The following PCDHGA10 variants were observed in gnomAD, a reference collection of about 807,000 sequenced individuals.
PCDHGA10 encodes protocadherin gamma subfamily A, 10, also known as protocadherin gamma-A10.
In PCDHGA10, 42 loss-of-function variants were observed where a neutral mutation model predicts 59.5. The ratio of observed to expected loss-of-function variants is 0.71; its 90% CI spans 0.55 to 0.91. The LOEUF (loss-of-function observed/expected upper bound fraction) is 0.91. Among genes scored for constraint, PCDHGA10 ranks in the 40% least tolerant of loss-of-function variants. PCDHGA10 has a pLI of 0.00. For synonymous variants in PCDHGA10, 511 were observed against 517.2 expected, an observed-to-expected ratio of 0.99 and a Z score of 0.16; for missense variants, 1,111 against 1,198.2, an observed-to-expected ratio of 0.93 and a Z score of 1.07.
At chr5:141,460,983 G>GTGTGTA (rs1554142949) in intron 1 of PCDHGA10, among the ~76,000 whole-genome samples, 82 of 137,842 alleles carry the variant, frequency 5.9e-4, no homozygotes, top group African/African-American at 1.9e-3. Flanking sequence ...GTGTGTGTGT[G>GTGTGTA]TATATATATA....
intron 1 of PCDHGA10, chr5:141,426,597 T>C (rs2096946172): frequency 2.6e-6 from 1 of 377,476 alleles, no homozygotes. Context: ...TGTCATACCC[T>C]TAGAGATTGT....
chr5:141,490,396 A>G lies in PCDHGA10; in HGVS notation c.2437-4411A>G. ...GGACTCAGGTAGAAATGGTGAAGTGAGCCTTGATATCTCTCCGGACCTGCC... is the reference window on the plus strand; with the variant it reads ...GGACTCAGGTAGAAATGGTGAAGTGGGCCTTGATATCTCTCCGGACCTGCC... On this transcript the variant is annotated intron_variant, in intron 1 of 3. Coordinates refer to ENST00000398610, the MANE Select transcript of PCDHGA10 (RefSeq NM_018913.3). The surrounding 1 kb of genome is among the most constrained non-coding windows in gnomAD (Gnocchi z 5.4). 1 of 1,614,146 alleles carries G rather than the reference A, an allele frequency of 6.2e-7. No homozygotes were observed. The highest frequency in any genetic ancestry group is 8.5e-7 in the Non-Finnish European group (1 of 1,180,030).
At chr5:141,484,795 C>G (rs1265916821) in intron 1 of PCDHGA10, among the ~76,000 whole-genome samples, 1 of 151,902 alleles carries the variant, frequency 6.6e-6, no homozygotes, top group Middle Eastern at 3.4e-3. Flanking sequence ...AGATAACAAC[C>G]CGTGGAAAAA....
Position 141,478,407 on chromosome 5 carries a change from C to T in PCDHGA10, c.2437-16400C>T. On this transcript the variant is annotated intron_variant, in intron 1 of 3. Coordinates refer to ENST00000398610, the MANE Select transcript of PCDHGA10 (RefSeq NM_018913.3). The stretch of plus-strand genomic sequence containing the variant: ...CTTTACCATCAGGTGTATCTCACCA[C>T]GGACTCCCGCCGCAGCGACCCGCTG... 1.9e-6 allele frequency: 3 copies of T among 1,613,272 alleles called. No individual in the cohort carries two copies. The highest frequency in any genetic ancestry group is 1.3e-5 in the African/African-American group (1 of 75,072).
At chr5:141,418,566 A>G (rs2096269931) in intron 1 of PCDHGA10, 2 of 1,614,054 alleles carry the variant, frequency 1.2e-6, no homozygotes, top group South Asian at 1.1e-5. Context: ...ATAGATGCCA[A>G]TGACAACCCC....
At chr5:141,498,457 G>A (rs1028236637) in intron 2 of PCDHGA10, among the ~76,000 whole-genome samples, 8 of 152,126 alleles carry the variant, frequency 5.3e-5, no homozygotes, top group African/African-American at 1.9e-4. Flanking sequence ...CTTTTATCCA[G>A]TCTAACCCTG....
intron 1 of PCDHGA10, among the ~76,000 whole-genome samples, chr5:141,483,322 G>C (rs1325809962): frequency 1.3e-5 from 2 of 152,110 alleles, no homozygotes. Flanking sequence ...TGGGACTGGA[G>C]GCAAAGAGAT....
chr5:141,479,606 T>TA (rs1315315740), intron 1 of PCDHGA10: 1 of 152,184 alleles, frequency 6.6e-6, no homozygotes, highest in Non-Finnish European at 1.5e-5. Context: ...GCCTAGGCAA[T>TA]ATAGGGAAAC....
In PCDHGA10 at chr5:141,460,999, G is replaced by GTA. The variant is rs1350972422; in HGVS notation, c.2437-33797_2437-33796dup. Reference sequence around the variant, plus strand: ...TGTGTGTGTGTATATATATATATGTGTATATATATATACCACATTTTCTTT... The same window carrying GTA: ...TGTGTGTGTGTATATATATATATGTGTATATATATATATACCACATTTTCTTT... On this transcript the variant is annotated intron_variant, in intron 1 of 3. Coordinates refer to ENST00000398610, the MANE Select transcript of PCDHGA10 (RefSeq NM_018913.3). Among the ~76,000 whole-genome samples, 54 of 149,566 alleles carry GTA rather than the reference G, an allele frequency of 3.6e-4. No homozygotes were observed. The South Asian group carries it at 4.2e-3, about 12-fold the overall frequency.
At chr5:141,422,862 C>T in intron 1 of PCDHGA10, 1 of 1,614,270 alleles carries the variant, frequency 6.2e-7, no homozygotes, top group Non-Finnish European at 8.5e-7. Flanking sequence ...CCCTCAGCAG[C>T]AACGTGTCGC....
At chr5:141,417,875 G>C (rs2096176700) in intron 1 of PCDHGA10, 2 of 1,556,360 alleles carry the variant, frequency 1.3e-6, no homozygotes, top group Non-Finnish European at 1.7e-6. Context: ...AGGGAGCTGC[G>C]CGCAGAGGCG....
In PCDHGA10 at chr5:141,452,847, T is replaced by G. The variant is rs575815407; in HGVS notation, c.2436+37236T>G. Among the ~76,000 whole-genome samples, 42 of 152,304 alleles carry G rather than the reference T, an allele frequency of 2.8e-4. 1 individual carries two copies. Among genetic ancestry groups the G allele is most frequent in the Admixed American group, 2.5e-3 (38 of 15,302 alleles). ...AAATCACTTGGTCCAGCCCACACTC[T>G]GGGGAGATGATTTTCTAACTCCATT... On this transcript the variant is annotated intron_variant, in intron 1 of 3. Coordinates refer to ENST00000398610, the MANE Select transcript of PCDHGA10 (RefSeq NM_018913.3).
intron 1 of PCDHGA10, 30 bp downstream of exon 1, chr5:141,415,641 T>TAA (rs113784532): frequency 8.4e-5 from 108 of 1,280,644 alleles, no homozygotes; most frequent in African/African-American, 8.0e-4. Flanking sequence ...TTACTTTTGT[T>TAA]AAAAAAAAAA....
chr5:141,459,253 ATTAGTGTTGCCTCT>A (rs1439680561), intron 1 of PCDHGA10, among the ~76,000 whole-genome samples: 1 of 152,174 alleles, frequency 6.6e-6, no homozygotes, highest in African/African-American at 2.4e-5. Context: ...GTCACTATAA[ATTAGTGTTGCCTCT>A]TTCAGAATTT....
intron 2 of PCDHGA10, among the ~76,000 whole-genome samples, chr5:141,501,159 C>G (rs1475164887): frequency 6.6e-6 from 1 of 152,096 alleles, no homozygotes; most frequent in East Asian, 1.9e-4. Context: ...GAGCCACCAT[C>G]CCCAGCCTCA....
At chr5:141,461,614 T>G (rs954890718) in intron 1 of PCDHGA10, among the ~76,000 whole-genome samples, 11 of 152,208 alleles carry the variant, frequency 7.2e-5, no homozygotes, top group Non-Finnish European at 1.2e-4. Flanking sequence ...TTCAAAGTAT[T>G]TTCTAATACA....
At chr5:141,448,907 T>G (rs1253773780) in intron 1 of PCDHGA10, among the ~76,000 whole-genome samples, 1 of 152,178 alleles carries the variant, frequency 6.6e-6, no homozygotes, top group African/African-American at 2.4e-5. Flanking sequence ...ATCGTGCCAC[T>G]GCACTCCAGC....
At position 141,476,606 on chromosome 5, in the gene PCDHGA10, G is replaced by T. The variant is rs2099394832; in HGVS notation, c.2437-18201G>T. The stretch of plus-strand genomic sequence containing the variant: ...GCTCGAGAGCGCGCACGATCCCGAT[G>T]TGGGAAGCAACTCTTTACAAACCTA... On this transcript the variant is annotated intron_variant, in intron 1 of 3. Transcript: ENST00000398610. The surrounding 1 kb of genome is among the most constrained non-coding windows in gnomAD (Gnocchi z 7.6). The T allele has an allele frequency of 1.9e-6, 3 of 1,614,126 alleles. No individual in the cohort carries two copies. Among genetic ancestry groups the T allele is most frequent in the Non-Finnish European group, 1.7e-6 (2 of 1,180,054 alleles).
chr5:141,485,421 C>G lies in PCDHGA10; in HGVS notation c.2437-9386C>G. The G allele has an allele frequency of 6.2e-7, 1 of 1,614,112 alleles. No individual in the cohort carries two copies. The highest frequency in any genetic ancestry group is 1.1e-5 in the South Asian group (1 of 91,080). ...TTCCGTGTGGATTTGGACAGCGGAG[C>G]CCTGCTCATCAAGAACCCAATCGAC... On this transcript the variant is annotated intron_variant, in intron 1 of 3. Transcript: ENST00000398610. This position sits in a 1 kb window ranked among gnomAD's most constrained non-coding sequence, Gnocchi z 5.7.
Sources: gnomAD v4.1 joint callset for allele counts (sites outside exome capture counted in the v4.1 genomes callset) on GRCh38, gnomAD v4.1.1 for gene constraint, Gnocchi (gnomAD v3.1) non-coding constraint, MANE v1.5 for transcripts, NCBI Gene and HGNC (gene_info 2026-07-23, HGNC 2026-07-21) for gene names.